The following CDK6 variants were observed in gnomAD, a reference collection of about 807,000 sequenced individuals.
CDK6 encodes the protein cyclin dependent kinase 6, also known as cyclin-dependent kinase 6.
Under a neutral mutation model 37.1 loss-of-function variants are expected in CDK6, and 6 were observed. That is an observed-to-expected ratio of 0.16 (90% CI 0.09 to 0.32). CDK6 has a LOEUF of 0.32. CDK6 is among the 10% of genes least tolerant of loss of function. The pLI, the probability that CDK6 is intolerant of heterozygous loss-of-function variation, is 1.00. For missense variants in CDK6, 224 were observed against 418.9 expected (o/e 0.53, Z 4.06); for synonymous variants, 160 against 161.3 (o/e 0.99, Z 0.06).
chr7:92,656,972 C>T (rs892259446), intron 5 of CDK6, among the ~76,000 whole-genome samples: 17 of 152,170 alleles, frequency 1.1e-4, no homozygotes, highest in African/African-American at 4.1e-4. Flanking sequence ...TAGATCATAC[C>T]CTTGGTCTTC....
chr7:92,619,702 T>A (rs1173057250), intron 6 of CDK6, among the ~76,000 whole-genome samples: 1 of 151,900 alleles, frequency 6.6e-6, no homozygotes, highest in East Asian at 1.9e-4. Context: ...CCTGTCATCA[T>A]GGCTTCTCTG....
intron 4 of CDK6, among the ~76,000 whole-genome samples, chr7:92,705,135 T>C (rs1349335900): frequency 2.0e-5 from 3 of 152,338 alleles, no homozygotes; most frequent in African/African-American, 4.8e-5. Flanking sequence ...CTTTCTTGCA[T>C]CTCGGGCATT....
chr7:92,767,506 A>G (rs980594154), intron 3 of CDK6, among the ~76,000 whole-genome samples: 1 of 152,172 alleles, frequency 6.6e-6, no homozygotes, highest in Admixed American at 6.5e-5. Context: ...TTCTGACTTT[A>G]GTAGTATAAA....
intron 5 of CDK6, among the ~76,000 whole-genome samples, chr7:92,623,775 G>T (rs79555195): frequency 6.6e-6 from 1 of 152,282 alleles, no homozygotes; most frequent in Admixed American, 6.5e-5. Context: ...GTAGCCCCTT[G>T]AGGGAGGAGA....
chr7:92,714,010 C>T (rs1411794150), intron 4 of CDK6, among the ~76,000 whole-genome samples: 2 of 152,182 alleles, frequency 1.3e-5, no homozygotes, highest in Non-Finnish European at 2.9e-5. Context: ...TCTATAAACA[C>T]TCACTGAGCA....
chr7:92,635,212 A>T (rs117172627), intron 5 of CDK6, among the ~76,000 whole-genome samples: 7 of 152,306 alleles, frequency 4.6e-5, no homozygotes, highest in Non-Finnish European at 1.0e-4. Context: ...AAAACACTTA[A>T]GAATGGTCAC....
chr7:92,694,989 C>T (rs1797675486), intron 4 of CDK6, among the ~76,000 whole-genome samples: 1 of 152,054 alleles, frequency 6.6e-6, no homozygotes, highest in Non-Finnish European at 1.5e-5. Flanking sequence ...ATATTAACCT[C>T]CTACGACATA....
intron 2 of CDK6, among the ~76,000 whole-genome samples, chr7:92,810,911 C>A (rs971479234): frequency 6.6e-6 from 1 of 151,978 alleles, no homozygotes; most frequent in African/African-American, 2.4e-5. Context: ...TCTAAAAATA[C>A]AACAATTAGC....
chr7:92,626,212 A>T (rs1246722197), intron 5 of CDK6, among the ~76,000 whole-genome samples: 1 of 152,048 alleles, frequency 6.6e-6, no homozygotes, highest in Non-Finnish European at 1.5e-5. Context: ...AATACTAAAA[A>T]ATACACATAT....
intron 2 of CDK6, among the ~76,000 whole-genome samples, chr7:92,806,001 T>C (rs1800715066): frequency 6.6e-6 from 1 of 152,192 alleles, no homozygotes; most frequent in African/African-American, 2.4e-5. Context: ...GAGATAGCAG[T>C]GATGGTTGCA....
intron 6 of CDK6, among the ~76,000 whole-genome samples, chr7:92,618,914 G>C (rs1795740557): frequency 6.6e-6 from 1 of 152,148 alleles, no homozygotes; most frequent in Non-Finnish European, 1.5e-5. Context: ...GATAAGCACA[G>C]GCTTCGGAAA....
chr7:92,658,311 T>C (rs149165210), intron 5 of CDK6, among the ~76,000 whole-genome samples: 1 of 152,332 alleles, frequency 6.6e-6, no homozygotes, highest in African/African-American at 2.4e-5. Context: ...AAGATTTTAC[T>C]GCAACACTGT....
chr7:92,756,409 T>C (rs551778526), intron 3 of CDK6, among the ~76,000 whole-genome samples: 26 of 152,314 alleles, frequency 1.7e-4, no homozygotes, highest in African/African-American at 6.0e-4. Context: ...GAGAAGCTCA[T>C]AAAAACAAGA....
At chr7:92,799,335 G>A (rs766822856) in intron 2 of CDK6, among the ~76,000 whole-genome samples, 1 of 152,074 alleles carries the variant, frequency 6.6e-6, no homozygotes, top group Non-Finnish European at 1.5e-5. Flanking sequence ...ACGCACCTCA[G>A]ATACCAGAAT....
chr7:92,628,299 C>T (rs568750887), intron 5 of CDK6, among the ~76,000 whole-genome samples: 1 of 151,922 alleles, frequency 6.6e-6, no homozygotes, highest in South Asian at 2.1e-4. Flanking sequence ...AAAAAAAAAC[C>T]CGACAACATT....
intron 3 of CDK6, among the ~76,000 whole-genome samples, chr7:92,727,664 A>C (rs1798544482): frequency 6.6e-6 from 1 of 152,152 alleles, no homozygotes. Context: ...CAAAGCACTT[A>C]GAGGGGGTAT....
At chr7:92,621,429 T>G (rs1039120603) in intron 6 of CDK6, among the ~76,000 whole-genome samples, 3 of 152,170 alleles carry the variant, frequency 2.0e-5, no homozygotes, top group Non-Finnish European at 2.9e-5. Flanking sequence ...ACTGGCCTCA[T>G]GTACTAAGGG....
At chr7:92,695,108 A>G (rs918207503) in intron 4 of CDK6, among the ~76,000 whole-genome samples, 8 of 152,116 alleles carry the variant, frequency 5.3e-5, no homozygotes, top group African/African-American at 1.9e-4. Flanking sequence ...AAGTTATGTC[A>G]ATAATAGACT....
intron 4 of CDK6, among the ~76,000 whole-genome samples, chr7:92,720,244 A>T (rs1423296968): frequency 6.6e-6 from 1 of 152,196 alleles, no homozygotes; most frequent in African/African-American, 2.4e-5. Context: ...CATTTGTGGA[A>T]CCTCTAAATA....
Sources: allele counts gnomAD v4.1 joint callset (sites outside exome capture counted in the v4.1 genomes callset), GRCh38; gene constraint gnomAD v4.1.1; transcripts MANE v1.5; gene names NCBI Gene and HGNC (gene_info 2026-07-23, HGNC 2026-07-21).